Variants in PIGH observed in about 807,000 individuals in gnomAD.
PIGH encodes the protein phosphatidylinositol N-acetylglucosaminyltransferase subunit H.
PIGH carries 11 observed loss-of-function variants against 20.1 expected under a neutral mutation model. That is an observed-to-expected ratio of 0.55 (90% CI 0.34 to 0.91). The LOEUF (loss-of-function observed/expected upper bound fraction) is 0.91. Ranked by LOEUF, PIGH falls within the 40% of genes least tolerant of loss-of-function variation. PIGH has a pLI of 0.02. For synonymous variants in PIGH, 72 were observed against 93.1 expected, an observed-to-expected ratio of 0.77 and a Z score of 1.31; for missense variants, 189 against 233.6, an observed-to-expected ratio of 0.81 and a Z score of 1.24.
Position 67,600,026 on chromosome 14 carries a change from C to G in PIGH, c.178G>C (p.Glu60Gln). 6.4e-7 allele frequency: 1 copy of G among 1,561,760 alleles called. No individual in the cohort carries two copies. The change falls in exon 1 of 4, where the codon GAG (glutamate) becomes CAG (glutamine). Residue 60 changes from glutamate to glutamine, a missense_variant and splice_region_variant. By Grantham distance (29) the Glu-to-Gln change is conservative. Transcript: ENST00000216452. ...LAAYGLFTLC[E>Q]NSMILSAAIF... Reference sequence around the variant, plus strand: ...GGGAGGGGCCGACTTGCCATTACCTCGCAGAGGGTGAAGAGTCCGTAGGCC... The same window carrying G: ...GGGAGGGGCCGACTTGCCATTACCTGGCAGAGGGTGAAGAGTCCGTAGGCC...
chr14:67,593,159 T>C (rs2036407795), intron 2 of PIGH: 1 of 162,226 alleles, frequency 6.2e-6, no homozygotes, highest in Non-Finnish European at 1.3e-5. Context: ...TTGATAGCTT[T>C]TGAAGTGGAA....
chr14:67,594,016 G>A (rs2036425429), intron 1 of PIGH, 64 bp from the exon 2 acceptor site: 15 of 1,066,352 alleles, frequency 1.4e-5, no homozygotes, highest in Non-Finnish European at 2.1e-5. Flanking sequence ...TCCAGGCAAT[G>A]AGGGGAACAT....
In PIGH at chr14:67,590,150, C is replaced by G. The variant is rs199909748; in HGVS notation, c.497G>C (p.Cys166Ser). ...GCAGCTCCTGTATACTTCAATCAAG[C>G]AGTCCAGCCGGGGCTTGGCACTCTG... Reference protein sequence around the residue: ...VFQSAKPRLDCLIEVYRSCQE... With the variant: ...VFQSAKPRLDSLIEVYRSCQE... Residue 166 changes from cysteine (C) to serine (S), a missense_variant, in exon 4 of 4, where the codon TGC becomes TCC. Physicochemically the swap from Cys to Ser is moderately radical, Grantham distance 112 (BLOSUM62 -1). Coordinates refer to ENST00000216452, the MANE Select transcript of PIGH (RefSeq NM_004569.5). 21 of 1,550,950 alleles carry G rather than the reference C, an allele frequency of 1.4e-5. No homozygotes were observed. The highest frequency in any genetic ancestry group is 1.7e-5 in the Non-Finnish European group (20 of 1,146,746).
At position 67,598,596 on chromosome 14, in the gene PIGH, C is replaced by G. The variant is rs547702525; in HGVS notation, c.180+1428G>C. ...ATCTATTTCCTCCTCCTCACATGAC[C>G]ACATACATAGGCTATAAGAACTCAG... On this transcript the variant is annotated intron_variant, in intron 1 of 3. Transcript: ENST00000216452. Among the ~76,000 whole-genome samples, 10 of 152,106 alleles carry G rather than the reference C, an allele frequency of 6.6e-5. No homozygotes were observed. The South Asian group carries it at 1.9e-3, about 28-fold the overall frequency.
intron 1 of PIGH, among the ~76,000 whole-genome samples, chr14:67,599,737 G>A (rs2036539865): frequency 6.6e-6 from 1 of 152,222 alleles, no homozygotes; most frequent in Non-Finnish European, 1.5e-5. Context: ...GGCAGTTAAA[G>A]TTTTAGGCCG....
At chr14:67,592,790 A>G (rs144468692) in intron 2 of PIGH, 72 bp from the exon 3 acceptor site, 15 of 965,100 alleles carry the variant, frequency 1.6e-5, no homozygotes, top group Non-Finnish European at 2.4e-5. Flanking sequence ...TTTTTCCTTT[A>G]TTTATTTATT....
In PIGH at chr14:67,594,824, G is replaced by A. The variant is rs114791428; in HGVS notation, c.181-872C>T. On this transcript the variant is annotated intron_variant, in intron 1 of 3. Coordinates refer to ENST00000216452, the MANE Select transcript of PIGH (RefSeq NM_004569.5). ...TTTAATATACCTATCAAGCATCAGA[G>A]CTTAGCCTAGCCTACCTTAAACGTG... 4.5e-3 allele frequency among the ~76,000 whole-genome samples: 683 copies of A among 152,270 alleles called. 5 individuals carry two copies. The highest frequency in any genetic ancestry group is 0.016 in the African/African-American group (658 of 41,536).
intron 1 of PIGH, 52 bp from the exon 2 acceptor site, chr14:67,594,004 A>G (rs2036425133): frequency 8.1e-7 from 1 of 1,240,354 alleles, no homozygotes; most frequent in Non-Finnish European, 1.2e-6. Context: ...GTACCAGTCA[A>G]CTCCAGGCAA....
chr14:67,593,552 T>C (rs2036415658), intron 2 of PIGH, 191 bp downstream of exon 2: 8 of 551,162 alleles, frequency 1.5e-5, no homozygotes, highest in Admixed American at 1.0e-4. Flanking sequence ...AATTTTGAAG[T>C]TGGTCTTGAA....
Position 67,600,085 on chromosome 14 carries a change from G to C in PIGH, c.119C>G (p.Ser40Trp), listed in dbSNP as rs1325636735. ...CLSCPRLSLR[S>W]LTAVTCTVWL... is the part of the protein sequence containing the mutation. The stretch of plus-strand genomic sequence containing the variant: ...CACCGTGCAGGTGACAGCGGTGAGC[G>C]AACGCAGCGAGAGCCGAGGGCAGCT... The change falls in exon 1 of 4, where the codon TCG becomes TGG. Residue 40 changes from serine to tryptophan, a missense_variant. Ser to Trp is a radical substitution (Grantham distance 177). Coordinates refer to ENST00000216452, the MANE Select transcript of PIGH (RefSeq NM_004569.5). 2 of 1,593,482 alleles carry C rather than the reference G, an allele frequency of 1.3e-6. No homozygotes were observed. Among genetic ancestry groups the C allele is most frequent in the South Asian group, 2.3e-5 (2 of 88,004 alleles).
intron 3 of PIGH, 149 bp from the exon 4 acceptor site, chr14:67,590,321 C>G: frequency 1.9e-6 from 1 of 529,288 alleles, no homozygotes; most frequent in Admixed American, 3.6e-5. Context: ...GGCGCAATCT[C>G]GGCTCACTGC....
At chr14:67,596,951 TC>T (rs1400719127) in intron 1 of PIGH, among the ~76,000 whole-genome samples, 2 of 152,256 alleles carry the variant, frequency 1.3e-5, no homozygotes, top group Admixed American at 6.5e-5. Flanking sequence ...TTGTACCACT[TC>T]AACTACTCAC....
intron 3 of PIGH, among the ~76,000 whole-genome samples, chr14:67,591,123 T>G (rs2036358258): frequency 6.6e-6 from 1 of 152,150 alleles, no homozygotes; most frequent in Admixed American, 6.5e-5. Flanking sequence ...AATATTCAGA[T>G]TCTACTTGAC....
chr14:67,598,483 G>GA (rs2036513882), intron 1 of PIGH, among the ~76,000 whole-genome samples: 1 of 151,964 alleles, frequency 6.6e-6, no homozygotes, highest in Non-Finnish European at 1.5e-5. Context: ...ATAAGTCATT[G>GA]CTCTTTGTGA....
At chr14:67,598,517 GC>G (rs1328262772) in intron 1 of PIGH, among the ~76,000 whole-genome samples, 1 of 146,828 alleles carries the variant, frequency 6.8e-6, no homozygotes, top group Non-Finnish European at 1.5e-5. Context: ...TCGTTCTAGG[GC>G]TAAAGTAAGG....
At chr14:67,598,180 G>A (rs910012787) in intron 1 of PIGH, among the ~76,000 whole-genome samples, 14 of 152,112 alleles carry the variant, frequency 9.2e-5, no homozygotes, top group East Asian at 1.9e-4. Context: ...CTCATAAACA[G>A]TTTTGAATAG....
At chr14:67,592,561 G>A in intron 3 of PIGH, 74 bp downstream of exon 3, 1 of 922,970 alleles carries the variant, frequency 1.1e-6, no homozygotes, top group African/African-American at 1.6e-5. Flanking sequence ...CCAATACTCT[G>A]ACAAAAGGAA....
At position 67,600,252 on chromosome 14, in the gene PIGH, C is replaced by T. The variant is rs1311795038; in HGVS notation, c.-49G>A. ...ACCGCGCGGCGCTGCACTGCGCTCG[C>T]CGGCCCTGGCCGTCTCGCCCGCTCC... On this transcript the variant is annotated 5_prime_UTR_variant, in exon 1 of 4. Transcript: ENST00000216452. 3.2e-5 allele frequency: 47 copies of T among 1,452,578 alleles called. No individual in the cohort carries two copies. Among genetic ancestry groups the T allele is most frequent in the Non-Finnish European group, 4.2e-5 (46 of 1,096,794 alleles). The allele number at this position is 1,452,578 out of a possible 1,614,324, so 90.0% of individuals were successfully genotyped here.
At chr14:67,598,367 G>C (rs1427766801) in intron 1 of PIGH, among the ~76,000 whole-genome samples, 1 of 152,066 alleles carries the variant, frequency 6.6e-6, no homozygotes, top group African/African-American at 2.4e-5. Flanking sequence ...TTTAAATTTT[G>C]CCTAAGATCA....
Sources: allele counts gnomAD v4.1 joint callset (sites outside exome capture counted in the v4.1 genomes callset), GRCh38; gene constraint gnomAD v4.1.1; transcripts MANE v1.5; gene names NCBI Gene and HGNC (gene_info 2026-07-23, HGNC 2026-07-21).